The following ZSWIM8 variants were observed in gnomAD, a reference collection of about 807,000 sequenced individuals.
ZSWIM8 encodes zinc finger SWIM-type containing 8.
A neutral mutation model predicts 173.7 loss-of-function variants in ZSWIM8; 27 were observed. That is an observed-to-expected ratio of 0.16 (90% CI 0.11 to 0.21). ZSWIM8 has a LOEUF of 0.21. Among genes scored for constraint, ZSWIM8 ranks in the 10% least tolerant of loss-of-function variants. The pLI is 1.00. For missense variants in ZSWIM8, 1,627 were observed against 2,428.8 expected, an observed-to-expected ratio of 0.67 and a Z score of 6.94; for synonymous variants, 958 against 962.0, an observed-to-expected ratio of 1.00 and a Z score of 0.08.
At position 73,797,042 on chromosome 10, in the gene ZSWIM8, A is replaced by G. The variant is rs1337440845; in HGVS notation, c.3274+28A>G. 6.2e-7 allele frequency: 1 copy of G among 1,609,274 alleles called. No homozygotes were observed. The highest frequency in any genetic ancestry group is 1.1e-5 in the South Asian group (1 of 90,860). On this transcript the variant is annotated intron_variant, in intron 16 of 25. Coordinates refer to ENST00000604729, the MANE Select transcript of ZSWIM8 (RefSeq NM_001367799.1). This position sits in a 1 kb window ranked among gnomAD's most constrained non-coding sequence, Gnocchi z 5.6. The stretch of plus-strand genomic sequence containing the variant: ...GAGGTGGGGGCACTGGGCAGGGGGG[A>G]TGAATGGTGTGGACCTATGTTGAGG...
chr10:73,791,316 G>T lies in ZSWIM8; in HGVS notation c.1144-8G>T. 2 of 1,595,824 alleles carry T rather than the reference G, an allele frequency of 1.3e-6. No individual in the cohort carries two copies. The highest frequency in any genetic ancestry group is 2.3e-5 in the East Asian group (1 of 44,346). On this transcript the variant is annotated splice_polypyrimidine_tract_variant and splice_region_variant and intron_variant, in intron 8 of 25. Transcript: ENST00000604729. The surrounding 1 kb of genome is among the most constrained non-coding windows in gnomAD (Gnocchi z 6.0). ...TCAGGTGCAGCTCACAGCCTTCTTT[G>T]TCTCCAGATAACAGGTTGGTGGTAT...
In ZSWIM8 at chr10:73,797,258, G is replaced by C. The variant is rs1464563292; in HGVS notation, c.3420G>C (p.Lys1140Asn). The C allele has an allele frequency of 6.2e-7, 1 of 1,613,888 alleles. No individual in the cohort carries two copies. The highest frequency in any genetic ancestry group is 1.1e-5 in the South Asian group (1 of 91,092). The change falls in exon 17 of 26, where the codon AAG becomes AAC. Residue 1140 changes from lysine to asparagine, a missense_variant. Transcript: ENST00000604729. The surrounding 1 kb of genome is among the most constrained non-coding windows in gnomAD (Gnocchi z 5.6). ...GATGGGGGTCCCCAGGACGGCCTAA[G>C]AAGAAGCACACAGGTAGGATAGCCT... ...GRGWGSPGRP[K>N]KKHTGMASID...
rs2083429827 is a variant in ZSWIM8 at position 73,791,890 on chromosome 10, T to C, written c.1351T>C (p.Trp451Arg). The change falls in exon 10 of 26, where the codon TGG (tryptophan) becomes CGG (arginine). Residue 451 changes from tryptophan (W) to arginine (R), a missense_variant. Around this residue, in one of 18 missense-constraint regions of ZSWIM8, gnomAD observed 103 missense variants for 155.6 expected, o/e 0.66. Transcript: ENST00000604729. The surrounding 1 kb of genome is among the most constrained non-coding windows in gnomAD (Gnocchi z 6.0). The part of the protein sequence containing the change: ...RRELCTQLRQ[W>R]QLKVIENVKR... ...GGAACTGTGTACGCAGCTGCGGCAGTGGCAACTGAAGGTGATTGAGAACGT... is the reference window on the plus strand; with the variant it reads ...GGAACTGTGTACGCAGCTGCGGCAGCGGCAACTGAAGGTGATTGAGAACGT... 9 of 1,542,900 alleles carry C rather than the reference T, an allele frequency of 5.8e-6. No individual in the cohort carries two copies. The highest frequency in any genetic ancestry group is 7.9e-6 in the Non-Finnish European group (9 of 1,140,512).
chr10:73,789,929 G>C lies in ZSWIM8; in HGVS notation c.739-27G>C, dbSNP rs1171490947. ...CATGGGTTCACCTAGGCCGTGTTCT[G>C]CCTGCCTCCGTCTCTTTCTCCCTCA... On this transcript the variant is annotated intron_variant, in intron 5 of 25. Transcript: ENST00000604729. This position sits in a 1 kb window ranked among gnomAD's most constrained non-coding sequence, Gnocchi z 6.8. 1 of 1,607,416 alleles carries C rather than the reference G, an allele frequency of 6.2e-7. No homozygotes were observed. The highest frequency in any genetic ancestry group is 1.3e-5 in the African/African-American group (1 of 74,728).
In ZSWIM8 at chr10:73,792,510, C is replaced by T. The variant is rs1464357031; in HGVS notation, c.1971C>T (p.Ser657=). Residue 657 remains serine (S), a synonymous_variant, in exon 10 of 26, where the codon TCC becomes TCT. Coordinates refer to ENST00000604729, the MANE Select transcript of ZSWIM8 (RefSeq NM_001367799.1). The surrounding 1 kb of genome is among the most constrained non-coding windows in gnomAD (Gnocchi z 4.3). ...TCCACGGTGGCTCCCGAGGCCCTTC[C>T]ACTTTCCTTCCTGAGCCCCCAGATA... The part of the protein sequence containing the change: ...CPLHGGSRGP[S]TFLPEPPDTY... The T allele has an allele frequency of 6.2e-7, 1 of 1,613,818 alleles. No individual in the cohort carries two copies. Among genetic ancestry groups the T allele is most frequent in the Admixed American group, 1.7e-5 (1 of 60,006 alleles).
rs1280007746 is a variant in ZSWIM8 at position 73,792,752 on chromosome 10, A to T, written c.2213A>T (p.Asp738Val). 6.2e-7 allele frequency: 1 copy of T among 1,612,780 alleles called. No homozygotes were observed. Among genetic ancestry groups the T allele is most frequent in the Non-Finnish European group, 8.5e-7 (1 of 1,179,772 alleles). Residue 738 changes from aspartate to valine, a missense_variant, in exon 10 of 26, where the codon GAT becomes GTT. Asp to Val is a radical substitution (Grantham distance 152). Around this residue, in one of 18 missense-constraint regions of ZSWIM8, gnomAD observed 383 missense variants for 394.8 expected, o/e 0.97. Transcript: ENST00000604729. The surrounding 1 kb of genome is among the most constrained non-coding windows in gnomAD (Gnocchi z 4.3). Reference sequence around the variant, plus strand: ...CAGGCGTACTATCTGAATGCCCAGGATGGGGCTGGGGGCGAGGAAGAGAAG... The same window carrying T: ...CAGGCGTACTATCTGAATGCCCAGGTTGGGGCTGGGGGCGAGGAAGAGAAG... ...DYQAYYLNAQ[D>V]GAGGEEEKAE...
In ZSWIM8 at chr10:73,791,305, C is replaced by A. The variant is rs2083407540; in HGVS notation, c.1144-19C>A. ...TCTCTGAGCTCTCAGGTGCAGCTCA[C>A]AGCCTTCTTTGTCTCCAGATAACAG... On this transcript the variant is annotated intron_variant, in intron 8 of 25. Transcript: ENST00000604729. This position sits in a 1 kb window ranked among gnomAD's most constrained non-coding sequence, Gnocchi z 6.0. The A allele has an allele frequency of 6.3e-7, 1 of 1,592,968 alleles. No homozygotes were observed. Among genetic ancestry groups the A allele is most frequent in the African/African-American group, 1.3e-5 (1 of 74,758 alleles).
rs746612391 is a variant in ZSWIM8 at position 73,796,734 on chromosome 10, T to C, written c.3034-40T>C. 6 of 1,605,210 alleles carry C rather than the reference T, an allele frequency of 3.7e-6. No individual in the cohort carries two copies. In the African/African-American group the frequency reaches 6.7e-5, roughly 18 times the overall value. On this transcript the variant is annotated intron_variant, in intron 15 of 25. Transcript: ENST00000604729. ...AGAAGTCAGGAGCTAAAGGGCATCCTGTCACTGCTTCTCTGGAGGTCACTG... is the reference window on the plus strand; with the variant it reads ...AGAAGTCAGGAGCTAAAGGGCATCCCGTCACTGCTTCTCTGGAGGTCACTG...
In ZSWIM8 at chr10:73,799,169, C is replaced by T. The variant is rs1313142228; in HGVS notation, c.4344C>T (p.Ala1448=). 2 of 1,612,006 alleles carry T rather than the reference C, an allele frequency of 1.2e-6. No individual in the cohort carries two copies. Among genetic ancestry groups the T allele is most frequent in the Admixed American group, 1.7e-5 (1 of 59,576 alleles). The change falls in exon 21 of 26, where the codon GCC becomes GCT. Residue 1448 remains alanine (A), a synonymous_variant. Transcript: ENST00000604729. ...GTGAAGGGGCTACAAGCTGTAGTGC[C>T]AGTGGGATCAGGGCAGGTGGGGAAG... ...TAREGATSCS[A]SGIRAGGEAG... is the part of the protein sequence containing the mutation.
chr10:73,790,848 C>CAA, intron 7 of ZSWIM8, 127 bp from the exon 8 acceptor site: 43 of 725,890 alleles, frequency 5.9e-5, no homozygotes, highest in Middle Eastern at 3.9e-4. Flanking sequence ...GACTTGGTCT[C>CAA]AAAAAAAAAA....
chr10:73,791,174 C>A lies in ZSWIM8; in HGVS notation c.1141C>A (p.Gln381Lys). The A allele has an allele frequency of 6.3e-7, 1 of 1,598,948 alleles. No homozygotes were observed. The highest frequency in any genetic ancestry group is 8.6e-7 in the Non-Finnish European group (1 of 1,168,836). ...CACTGACCAGTGCCTCACCTATGAA[C>A]AGGTAATCACTCAGCGTTGGGGAGC... ...ILTDQCLTYE[Q>K]ITGWWYSVRT... Residue 381 changes from glutamine (Q) to lysine (K), a missense_variant and splice_region_variant, in exon 8 of 26, where the codon CAG becomes AAG. Physicochemically the swap from Gln to Lys is moderately conservative, Grantham distance 53 (BLOSUM62 1). Around this residue, in one of 18 missense-constraint regions of ZSWIM8, gnomAD observed 38 missense variants for 106.1 expected, o/e 0.36. Coordinates refer to ENST00000604729, the MANE Select transcript of ZSWIM8 (RefSeq NM_001367799.1). The surrounding 1 kb of genome is among the most constrained non-coding windows in gnomAD (Gnocchi z 6.0).
Position 73,796,589 on chromosome 10 carries a change from T to C in ZSWIM8, c.3034-185T>C, listed in dbSNP as rs529999823. 2.4e-5 allele frequency: 17 copies of C among 709,580 alleles called. No individual in the cohort carries two copies. In the African/African-American group the frequency reaches 2.7e-4, roughly 11 times the overall value. The allele number at this position is 709,580 out of a possible 1,614,324, so 44.0% of individuals were successfully genotyped here. A position where few individuals can be genotyped will look rare whatever the true frequency, so the allele number is the denominator to read the frequency against. ...GGTGTTAATGGAGGATACCAAGATA[T>C]GTTGGGGTTAAATAAGTTACAAAAA... On this transcript the variant is annotated intron_variant, in intron 15 of 25. Transcript: ENST00000604729.
intron 1 of ZSWIM8, chr10:73,786,327 G>GGTGT (rs575266137): frequency 8.8e-5 from 37 of 418,194 alleles, no homozygotes; most frequent in Middle Eastern, 1.3e-3. Flanking sequence ...TGTGTGTGTG[G>GGTGT]GTGTGTGTGT....
Position 73,801,704 on chromosome 10 carries a change from GGGGGAGAC to G in ZSWIM8, c.*186_*193del. On this transcript the variant is annotated 3_prime_UTR_variant, in exon 26 of 26. Coordinates refer to ENST00000604729, the MANE Select transcript of ZSWIM8 (RefSeq NM_001367799.1). This position sits in a 1 kb window ranked among gnomAD's most constrained non-coding sequence, Gnocchi z 4.9. ...TCTCACACCCTAGAAGCCTAGGGCTGGGGGAGACAGCCCTGTCTGGGAGGGGGCGTTGG... is the reference window on the plus strand; with the variant it reads ...TCTCACACCCTAGAAGCCTAGGGCTGAGCCCTGTCTGGGAGGGGGCGTTGG... 6.5e-7 allele frequency: 1 copy of G among 1,532,612 alleles called. No homozygotes were observed. The highest frequency in any genetic ancestry group is 1.4e-5 in the African/African-American group (1 of 73,092). 94.9% of individuals were successfully genotyped at this position (1,532,612 alleles called of 1,614,324 possible). A position where few individuals can be genotyped will look rare whatever the true frequency, so the allele number is the denominator to read the frequency against.
intron 14 of ZSWIM8, among the ~76,000 whole-genome samples, chr10:73,795,311 T>A (rs2083587591): frequency 6.6e-6 from 1 of 152,174 alleles, no homozygotes; most frequent in Non-Finnish European, 1.5e-5. Flanking sequence ...CCTAAAATGA[T>A]AAGTACATGC....
In ZSWIM8 at chr10:73,801,775, A is replaced by AAAC. The variant is rs1480637731; in HGVS notation, c.*257_*259dup. 8 of 1,465,194 alleles carry AAAC rather than the reference A, an allele frequency of 5.5e-6. No homozygotes were observed. The African/African-American group carries it at 7.1e-5, about 13-fold the overall frequency. 90.8% of individuals were successfully genotyped at this position (1,465,194 alleles called of 1,614,324 possible). On this transcript the variant is annotated 3_prime_UTR_variant, in exon 26 of 26. Transcript: ENST00000604729. This position sits in a 1 kb window ranked among gnomAD's most constrained non-coding sequence, Gnocchi z 4.9. ...ATTTATTTGGCATTTATAAATATATAAACTCCTTTTTTACTCTAGTCGACC... is the reference window on the plus strand; with the variant it reads ...ATTTATTTGGCATTTATAAATATATAAACAACTCCTTTTTTACTCTAGTCGACC...
chr10:73,793,565 C>A (rs772989760), intron 10 of ZSWIM8, 23 bp from the exon 11 acceptor site: 1 of 1,556,410 alleles, frequency 6.4e-7, no homozygotes, highest in Non-Finnish European at 8.7e-7. Flanking sequence ...TTTAACCTGT[C>A]TGGTCCCATG....
At chr10:73,799,915 A>G in intron 21 of ZSWIM8, 96 bp from the exon 22 acceptor site, 1 of 1,177,158 alleles carries the variant, frequency 8.5e-7, no homozygotes. Flanking sequence ...TCTATCTCAA[A>G]AAAAACATGT....
Position 73,800,613 on chromosome 10 carries a change from A to T in ZSWIM8, c.5003-27A>T. ...AAGGGTGAAGAGGATACACCGTACCATGTGCCCACCCTTATCTATCTCCCA... is the reference window on the plus strand; with the variant it reads ...AAGGGTGAAGAGGATACACCGTACCTTGTGCCCACCCTTATCTATCTCCCA... On this transcript the variant is annotated intron_variant, in intron 23 of 25. Transcript: ENST00000604729. This position sits in a 1 kb window ranked among gnomAD's most constrained non-coding sequence, Gnocchi z 4.1. The T allele has an allele frequency of 6.2e-7, 1 of 1,611,000 alleles. No homozygotes were observed. Among genetic ancestry groups the T allele is most frequent in the Non-Finnish European group, 8.5e-7 (1 of 1,178,262 alleles).
Sources: gnomAD v4.1 joint callset for allele counts (sites outside exome capture counted in the v4.1 genomes callset) on GRCh38, gnomAD v4.1.1 for gene constraint, gnomAD v4.1.1 regional missense constraint, Gnocchi (gnomAD v3.1) non-coding constraint, MANE v1.5 for transcripts, NCBI Gene and HGNC (gene_info 2026-07-23, HGNC 2026-07-21) for gene names.